THRB: variants seen among roughly 807,000 people sequenced by gnomAD.
THRB encodes nuclear receptor subfamily 1 group A member 2.
Under a neutral mutation model 47.8 loss-of-function variants are expected in THRB, and 12 were observed. The ratio of observed to expected loss-of-function variants is 0.25; its 90% CI spans 0.16 to 0.41. The LOEUF is 0.41. Ranked by LOEUF, THRB falls within the 10% of genes least tolerant of loss-of-function variation. The pLI is 1.00. For synonymous variants in THRB, 218 were observed against 212.2 expected, an observed-to-expected ratio of 1.03 and a Z score of -0.24; for missense variants, 348 against 589.2, an observed-to-expected ratio of 0.59 and a Z score of 4.24.
chr3:24,146,630 C>T (rs186111852), intron 7 of THRB, 45 bp downstream of exon 7: 1 of 1,607,714 alleles, frequency 6.2e-7, no homozygotes, highest in East Asian at 2.2e-5. Flanking sequence ...AAACTGTTTC[C>T]TAATCAACAT....
intron 3 of THRB, among the ~76,000 whole-genome samples, chr3:24,229,917 G>A (rs1394185921): frequency 6.6e-6 from 1 of 152,202 alleles, no homozygotes; most frequent in African/African-American, 2.4e-5. Context: ...ATCAGAGGAA[G>A]TAATTTCAAA....
chr3:24,122,858 G>GAATT lies in THRB; in HGVS notation c.*22_*25dup. On this transcript the variant is annotated 3_prime_UTR_variant, in exon 11 of 11. Transcript: ENST00000646209. ...GAAATGACACCCAGTAGTGCTGTAG[G>GAATT]AATTATGAGAATGAATCCAGTCAGT... is the stretch of plus-strand genomic sequence containing the variant. The GAATT allele has an allele frequency of 6.2e-7, 1 of 1,614,134 alleles. No homozygotes were observed. Among genetic ancestry groups the GAATT allele is most frequent in the Non-Finnish European group, 8.5e-7 (1 of 1,179,996 alleles).
chr3:24,138,611 C>T (rs564972437), intron 8 of THRB, among the ~76,000 whole-genome samples: 1 of 152,298 alleles, frequency 6.6e-6, no homozygotes, highest in South Asian at 2.1e-4. Context: ...TTCCAATCTC[C>T]ATTCATGTAA....
chr3:24,356,441 A>G (rs1030300493), intron 1 of THRB, among the ~76,000 whole-genome samples: 1 of 152,142 alleles, frequency 6.6e-6, no homozygotes, highest in Non-Finnish European at 1.5e-5. Flanking sequence ...CTCACAGCCA[A>G]ATAGTTCTAT....
intron 1 of THRB, chr3:24,348,699 A>G (rs1310756815): frequency 1.3e-5 from 2 of 152,152 alleles, no homozygotes; most frequent in South Asian, 2.1e-4. Context: ...AAGACCTCAC[A>G]AGGGGGATTT....
At chr3:24,295,914 G>C (rs2056409377) in intron 3 of THRB, among the ~76,000 whole-genome samples, 1 of 152,188 alleles carries the variant, frequency 6.6e-6, no homozygotes, top group Admixed American at 6.5e-5. Context: ...CATTAGCCCT[G>C]TGTGGCTACC....
intron 1 of THRB, among the ~76,000 whole-genome samples, chr3:24,404,849 T>C (rs546214973): frequency 1.3e-5 from 2 of 151,910 alleles, no homozygotes; most frequent in Admixed American, 1.3e-4. Context: ...CAGATCTCCT[T>C]ATATTATTTT....
At chr3:24,226,373 T>C (rs963903861) in intron 4 of THRB, among the ~76,000 whole-genome samples, 2 of 152,204 alleles carry the variant, frequency 1.3e-5, no homozygotes, top group Non-Finnish European at 2.9e-5. Flanking sequence ...AAAAGAACAT[T>C]GTTTTATCTC....
At chr3:24,483,356 T>C (rs750992789) in intron 1 of THRB, among the ~76,000 whole-genome samples, 55 of 152,248 alleles carry the variant, frequency 3.6e-4, no homozygotes, top group Non-Finnish European at 6.3e-4. Context: ...AGTCAAGATA[T>C]TATGTAAAGT....
At chr3:24,473,906 G>T (rs1695071189) in intron 1 of THRB, among the ~76,000 whole-genome samples, 1 of 152,128 alleles carries the variant, frequency 6.6e-6, no homozygotes, top group African/African-American at 2.4e-5. Flanking sequence ...GGAACAAAGA[G>T]AACACATGGA....
At chr3:24,209,868 A>G (rs967780789) in intron 4 of THRB, among the ~76,000 whole-genome samples, 2 of 152,216 alleles carry the variant, frequency 1.3e-5, no homozygotes, top group Non-Finnish European at 2.9e-5. Context: ...AGCTTAAGAT[A>G]CAAACATTTC....
Position 24,422,090 on chromosome 3 carries a change from C to A in THRB, c.-261+72562G>T, listed in dbSNP as rs549246185. Among the ~76,000 whole-genome samples, 147 of 152,052 alleles carry A rather than the reference C, an allele frequency of 9.7e-4. 7 individuals are homozygous for A. The South Asian group carries it at 0.029, about 30-fold the overall frequency. ...CCAACAATGACTATACAAATAATTT[C>A]ATGTAGTTTTCAAAAACAAAGGGAA... On this transcript the variant is annotated intron_variant, in intron 1 of 10. Coordinates refer to ENST00000646209, the MANE Select transcript of THRB (RefSeq NM_001354712.2).
intron 4 of THRB, among the ~76,000 whole-genome samples, chr3:24,227,510 C>G (rs1576100107): frequency 6.6e-6 from 1 of 152,164 alleles, no homozygotes; most frequent in South Asian, 2.1e-4. Flanking sequence ...TTCCGATGCC[C>G]TCAGCTCCTA....
chr3:24,279,470 C>T (rs1232263471), intron 3 of THRB, among the ~76,000 whole-genome samples: 7 of 152,006 alleles, frequency 4.6e-5, no homozygotes, highest in African/African-American at 1.7e-4. Context: ...CTGCAAGCTC[C>T]ACCTCCCGGG....
At chr3:24,422,247 G>T (rs2069335983) in intron 1 of THRB, among the ~76,000 whole-genome samples, 1 of 151,932 alleles carries the variant, frequency 6.6e-6, no homozygotes, top group African/African-American at 2.4e-5. Flanking sequence ...TCCATTAAAA[G>T]TGGTCATTTG....
At chr3:24,434,585 A>C (rs777870443) in intron 1 of THRB, among the ~76,000 whole-genome samples, 1 of 152,220 alleles carries the variant, frequency 6.6e-6, no homozygotes, top group Non-Finnish European at 1.5e-5. Flanking sequence ...ATTCCTACTG[A>C]TTTGAACTCA....
chr3:24,218,101 C>T (rs2046766270), intron 4 of THRB, among the ~76,000 whole-genome samples: 1 of 151,878 alleles, frequency 6.6e-6, no homozygotes, highest in Admixed American at 6.6e-5. Flanking sequence ...CTCGTCTCTA[C>T]TAAAAAATAC....
chr3:24,296,238 G>A (rs2056437746), intron 3 of THRB, among the ~76,000 whole-genome samples: 1 of 152,172 alleles, frequency 6.6e-6, no homozygotes, highest in South Asian at 2.1e-4. Flanking sequence ...AGCTCTCAGA[G>A]GCTCTTTGAT....
At chr3:24,131,323 A>G (rs765532589) in intron 9 of THRB, among the ~76,000 whole-genome samples, 6 of 152,216 alleles carry the variant, frequency 3.9e-5, no homozygotes, top group Non-Finnish European at 7.3e-5. Context: ...ACCTTCAATG[A>G]ATACGTATAA....
Sources: allele counts gnomAD v4.1 joint callset (sites outside exome capture counted in the v4.1 genomes callset), GRCh38; gene constraint gnomAD v4.1.1; transcripts MANE v1.5; gene names NCBI Gene and HGNC (gene_info 2026-07-23, HGNC 2026-07-21).